Variants in MVB12B observed in about 807,000 individuals in gnomAD.
The protein encoded by MVB12B is ESCRT-I complex subunit MVB12B.
MVB12B carries 16 observed loss-of-function variants against 41.6 expected under a neutral mutation model. That is an observed-to-expected ratio of 0.38 (90% CI 0.26 to 0.58). The LOEUF is 0.58. MVB12B is among the 20% of genes least tolerant of loss of function. The pLI is 0.62. For synonymous variants in MVB12B, 133 were observed against 139.7 expected (o/e 0.95, Z 0.34); for missense variants, 274 against 380.2 (o/e 0.72, Z 2.32).
intron 9 of MVB12B, among the ~76,000 whole-genome samples, chr9:126,492,939 C>G (rs912109699): frequency 2.6e-5 from 4 of 152,188 alleles, no homozygotes; most frequent in East Asian, 3.8e-4. Context: ...TCTGCTCGCT[C>G]TCTGCTCAGT....
At chr9:126,437,047 A>G (rs1199214789) in intron 7 of MVB12B, among the ~76,000 whole-genome samples, 2 of 152,158 alleles carry the variant, frequency 1.3e-5, no homozygotes, top group African/African-American at 4.8e-5. Flanking sequence ...TGCTTGCAGA[A>G]GTACAAAATT....
At chr9:126,460,368 A>G (rs1296816273) in intron 7 of MVB12B, among the ~76,000 whole-genome samples, 1 of 152,206 alleles carries the variant, frequency 6.6e-6, no homozygotes, top group African/African-American at 2.4e-5. Context: ...CTTCTGGCTC[A>G]GATCTTCCCA....
intron 7 of MVB12B, among the ~76,000 whole-genome samples, chr9:126,429,601 T>C (rs1200220995): frequency 1.3e-5 from 2 of 152,264 alleles, no homozygotes; most frequent in African/African-American, 4.8e-5. Flanking sequence ...GCATTTACTG[T>C]GCATTATTCC....
At position 126,408,408 on chromosome 9, in the gene MVB12B, C is replaced by A. The variant is rs1019762791; in HGVS notation, c.662+12711C>A. On this transcript the variant is annotated intron_variant, in intron 6 of 9. Coordinates refer to ENST00000361171, the MANE Select transcript of MVB12B (RefSeq NM_033446.3). ...TTCAAAGTTCCCGATGCCATTCGCTCCCCCCACGCAGGCCTGATGGATCCG... is the reference window on the plus strand; with the variant it reads ...TTCAAAGTTCCCGATGCCATTCGCTACCCCCACGCAGGCCTGATGGATCCG... 2.9e-5 allele frequency: 4 copies of A among 137,982 alleles called. No homozygotes were observed. The East Asian group carries it at 1.1e-3, about 38-fold the overall frequency. 8.5% of individuals were successfully genotyped at this position (137,982 alleles called of 1,614,324 possible).
intron 7 of MVB12B, among the ~76,000 whole-genome samples, chr9:126,447,452 T>G (rs1260481538): frequency 2.6e-5 from 4 of 152,104 alleles, no homozygotes; most frequent in Non-Finnish European, 5.9e-5. Flanking sequence ...CAGTTTTGAT[T>G]ATCCCTTTGA....
At chr9:126,345,325 ACCT>A (rs1296034102) in intron 2 of MVB12B, among the ~76,000 whole-genome samples, 1 of 152,116 alleles carries the variant, frequency 6.6e-6, no homozygotes, top group Admixed American at 6.5e-5. Context: ...CCAATTTAAG[ACCT>A]CCTCCATTCT....
chr9:126,351,569 A>G (rs568908473), intron 2 of MVB12B, among the ~76,000 whole-genome samples: 2 of 141,040 alleles, frequency 1.4e-5, no homozygotes, highest in East Asian at 4.1e-4. Context: ...GCTCACTGCA[A>G]CCTGCACTTT....
At chr9:126,430,103 C>A (rs779940197) in intron 7 of MVB12B, among the ~76,000 whole-genome samples, 1 of 152,212 alleles carries the variant, frequency 6.6e-6, no homozygotes, top group Non-Finnish European at 1.5e-5. Context: ...GACTCTCTTC[C>A]TTGACCAGGC....
intron 6 of MVB12B, among the ~76,000 whole-genome samples, chr9:126,411,550 G>A (rs978814789): frequency 2.0e-5 from 3 of 152,180 alleles, no homozygotes; most frequent in Non-Finnish European, 2.9e-5. Context: ...GGCATAGAAG[G>A]TTTATAAGAT....
At chr9:126,346,499 G>C (rs879520354) in intron 2 of MVB12B, among the ~76,000 whole-genome samples, 2 of 152,078 alleles carry the variant, frequency 1.3e-5, no homozygotes, top group Admixed American at 1.3e-4. Context: ...AGGCGGGAGG[G>C]AGACTCTTGG....
At chr9:126,425,990 A>G (rs1832166477) in intron 7 of MVB12B, among the ~76,000 whole-genome samples, 2 of 152,266 alleles carry the variant, frequency 1.3e-5, no homozygotes. Context: ...ATAGTTGGAC[A>G]AAAATAAAAA....
chr9:126,331,938 C>T (rs1588077975), intron 1 of MVB12B, among the ~76,000 whole-genome samples: 1 of 152,366 alleles, frequency 6.6e-6, no homozygotes, highest in Admixed American at 6.5e-5. Flanking sequence ...CACTGGGGTG[C>T]CCCTTCCTGT....
chr9:126,451,650 C>T (rs1832890844), intron 7 of MVB12B, among the ~76,000 whole-genome samples: 1 of 152,086 alleles, frequency 6.6e-6, no homozygotes, highest in African/African-American at 2.4e-5. Flanking sequence ...GGATGAGGCA[C>T]TGCAGGAACT....
In MVB12B at chr9:126,390,374, G is replaced by A. The variant is rs965572461; in HGVS notation, c.410-1692G>A. Among the ~76,000 whole-genome samples the A allele has an allele frequency of 2.0e-5, 3 of 152,170 alleles. 1 individual carries two copies. The highest frequency in any genetic ancestry group is 4.4e-5 in the Non-Finnish European group (3 of 68,042). ...AGAGAAATTAAGTAACTTGCCTGAG[G>A]TCACAGTGCCAGGAAATGTTGGTGT... is the stretch of plus-strand genomic sequence containing the variant. On this transcript the variant is annotated intron_variant, in intron 4 of 9. Transcript: ENST00000361171.
chr9:126,345,954 A>G (rs1013915329), intron 2 of MVB12B, among the ~76,000 whole-genome samples: 1 of 152,164 alleles, frequency 6.6e-6, no homozygotes, highest in Non-Finnish European at 1.5e-5. Flanking sequence ...CCACTTAGCT[A>G]TTGTCCAAGG....
chr9:126,363,453 G>A (rs189037566), intron 2 of MVB12B, among the ~76,000 whole-genome samples: 6 of 152,274 alleles, frequency 3.9e-5, no homozygotes, highest in South Asian at 4.1e-4. Flanking sequence ...CGTTGACTCC[G>A]TTCTCCACGC....
intron 6 of MVB12B, chr9:126,397,040 GTCCATCACCTGTGTGTCGGGGTCC>G (rs754554653): frequency 2.0e-5 from 20 of 985,564 alleles, no homozygotes; most frequent in Non-Finnish European, 2.3e-5. Flanking sequence ...AGTCAGCTAA[GTCCATCACCTGTGTGTCGGGGTCC>G]TCCATCACCT....
chr9:126,385,885 A>G (rs12350200), intron 3 of MVB12B, among the ~76,000 whole-genome samples: 4,523 of 152,286 alleles, frequency 0.03, 199 homozygotes, highest in African/African-American at 0.093. Context: ...CTCTCTCGCA[A>G]TTACAGAATG....
At chr9:126,366,770 C>G (rs952940145) in intron 2 of MVB12B, among the ~76,000 whole-genome samples, 2 of 152,142 alleles carry the variant, frequency 1.3e-5, no homozygotes, top group Non-Finnish European at 2.9e-5. Flanking sequence ...ACTGAGCATT[C>G]TTCTCTCACT....
Sources: allele counts gnomAD v4.1 joint callset (sites outside exome capture counted in the v4.1 genomes callset), GRCh38; gene constraint gnomAD v4.1.1; transcripts MANE v1.5; gene names NCBI Gene and HGNC (gene_info 2026-07-23, HGNC 2026-07-21).